Variants in ERCC6L observed in about 807,000 individuals in gnomAD.
ERCC6L encodes DNA excision repair protein ERCC-6-like.
In ERCC6L, 7 loss-of-function variants were observed where a neutral mutation model predicts 20.1. The ratio of observed to expected loss-of-function variants is 0.35; its 90% CI spans 0.20 to 0.65. The LOEUF is 0.65. ERCC6L is among the 30% of genes least tolerant of loss of function. ERCC6L has a pLI of 0.69. For missense variants in ERCC6L, 592 were observed against 892.4 expected (o/e 0.66, Z 4.29); for synonymous variants, 278 against 331.3 (o/e 0.84, Z 1.75).
At chrX:72,210,609 T>C (rs1303173734) in intron 1 of ERCC6L, among the ~76,000 whole-genome samples, 1 of 111,640 alleles carries the variant, frequency 9.0e-6, no homozygotes, top group Non-Finnish European at 1.9e-5. Flanking sequence ...TCCCAGAGAC[T>C]AAAGTGCTGT....
At position 72,205,359 on chromosome X, in the gene ERCC6L, G is replaced by A. The variant is rs148656966; in HGVS notation, c.3408C>T (p.Gly1136=). Residue 1136 remains glycine, a synonymous_variant, in exon 2 of 2, where the codon GGC becomes GGT. Transcript: ENST00000334463. The part of the protein sequence containing the change: ...YPEEGVEESS[G]EASKYTEEDP... The stretch of plus-strand genomic sequence containing the variant: ...CCTCTTCTGTATACTTGGAGGCTTC[G>A]CCACTGCTTTCCTCCACCCCTTCTT... The A allele has an allele frequency of 4.1e-4, 498 of 1,210,259 alleles. 4 individuals are homozygous for A. In the Middle Eastern group the frequency reaches 7.8e-3, roughly 19 times the overall value.
Position 72,206,602 on chromosome X carries a change from T to C in ERCC6L, c.2165A>G (p.Gln722Arg), listed in dbSNP as rs761435400. The change falls in exon 2 of 2, where the codon CAA (glutamine) becomes CGA (arginine). Residue 722 changes from glutamine (Q) to arginine (R), a missense_variant. Gln to Arg is a conservative substitution (Grantham distance 43). Transcript: ENST00000334463. The stretch of plus-strand genomic sequence containing the variant: ...CCAGGCCCCCTCATTTCTAGTTCTT[T>C]GTTGTTCCATCAGGAACTCTTTATT... The part of the protein sequence containing the change: ...SQNKEFLMEQ[Q>R]RTRNEGAWLR... 2 of 1,211,356 alleles carry C rather than the reference T, an allele frequency of 1.7e-6. No homozygotes were observed. Among genetic ancestry groups the C allele is most frequent in the Non-Finnish European group, 2.2e-6 (2 of 895,404 alleles).
At chrX:72,236,372 C>A (rs1273672932) in intron 1 of ERCC6L, among the ~76,000 whole-genome samples, 1 of 111,306 alleles carries the variant, frequency 9.0e-6, no homozygotes, top group Admixed American at 9.5e-5. Context: ...CATCTCAGCT[C>A]GCTGCAACCT....
intron 1 of ERCC6L, among the ~76,000 whole-genome samples, chrX:72,222,137 C>T (rs1402874923): frequency 9.0e-6 from 1 of 110,848 alleles, no homozygotes; most frequent in South Asian, 3.8e-4. Flanking sequence ...TCTCCCTCTC[C>T]GGGAAGTGGC....
intron 1 of ERCC6L, among the ~76,000 whole-genome samples, chrX:72,235,929 T>C (rs1440501022): frequency 1.8e-5 from 2 of 111,601 alleles, no homozygotes; most frequent in East Asian, 5.6e-4. Flanking sequence ...AGAAAAAAAA[T>C]AAGTTAAAGT....
chrX:72,213,084 G>C (rs1415578004), intron 1 of ERCC6L, among the ~76,000 whole-genome samples: 1 of 112,376 alleles, frequency 8.9e-6, no homozygotes, highest in Non-Finnish European at 1.9e-5. Context: ...GCCCATATAG[G>C]GGTGGAGGAG....
At chrX:72,218,695 A>G (rs1309365609) in intron 1 of ERCC6L, among the ~76,000 whole-genome samples, 1 of 110,362 alleles carries the variant, frequency 9.1e-6, no homozygotes, top group Non-Finnish European at 1.9e-5. Flanking sequence ...GGGTTTCACC[A>G]TGTTGGCCGG....
rs1350144989 is a variant in ERCC6L, at chrX:72,204,776, A to G, written c.*238T>C. The G allele has an allele frequency of 1.2e-5, 3 of 242,296 alleles. No homozygotes were observed. The highest frequency in any genetic ancestry group is 8.5e-5 in the African/African-American group (3 of 35,212). 20.0% of individuals were successfully genotyped at this position (242,296 alleles called of 1,213,427 possible). ...AATTTTACAAAACTTTCCAAGAAAC[A>G]ACACAGTTAAATTTATAGAATATGC... On this transcript the variant is annotated 3_prime_UTR_variant, in exon 2 of 2. Coordinates refer to ENST00000334463, the MANE Select transcript of ERCC6L (RefSeq NM_017669.4).
rs764001801 is a variant in ERCC6L at position 72,207,644 on chromosome X, G to A, written c.1123C>T (p.Pro375Ser). The A allele has an allele frequency of 4.0e-5, 48 of 1,208,018 alleles. No homozygotes were observed. The South Asian group carries it at 6.9e-4, about 17-fold the overall frequency. The part of the protein sequence containing the change: ...NDLIIWIRLV[P>S]LQEEIYRKFV... ...TTCCTGTATATTTCTTCTTGTAAAG[G>A]CACAAGTCGTATCCAAATAATTAAA... is the stretch of plus-strand genomic sequence containing the variant. The change falls in exon 2 of 2, where the codon CCT (proline) becomes TCT (serine). Residue 375 changes from proline to serine, a missense_variant. Physicochemically the swap from Pro to Ser is moderately conservative, Grantham distance 74. Transcript: ENST00000334463.
chrX:72,209,499 C>A (rs2042840257), intron 1 of ERCC6L, among the ~76,000 whole-genome samples: 1 of 112,081 alleles, frequency 8.9e-6, no homozygotes, highest in Admixed American at 9.5e-5. Context: ...TGAAGAGAAT[C>A]CTTGACCCCA....
chrX:72,204,987 TTAAAA>T lies in ERCC6L; in HGVS notation c.*22_*26del, dbSNP rs1180421355. Reference sequence around the variant, plus strand: ...AAATTCCCTCATATTCAGTTTCACTTTAAAATACAATAAACAGGTTACATTCTCAA... The same window carrying T: ...AAATTCCCTCATATTCAGTTTCACTTTACAATAAACAGGTTACATTCTCAA... On this transcript the variant is annotated 3_prime_UTR_variant, in exon 2 of 2. Transcript: ENST00000334463. 4.4e-6 allele frequency: 5 copies of T among 1,124,310 alleles called. No individual in the cohort carries two copies. Among genetic ancestry groups the T allele is most frequent in the African/African-American group, 1.8e-5 (1 of 54,377 alleles). 92.7% of individuals were successfully genotyped at this position (1,124,310 alleles called of 1,213,427 possible).
intron 1 of ERCC6L, among the ~76,000 whole-genome samples, chrX:72,222,595 CTT>C (rs758259884): frequency 0.01 from 886 of 85,011 alleles, 11 homozygotes; most frequent in African/African-American, 0.033. Flanking sequence ...AGAATCCAGC[CTT>C]TTTTTTTTTT....
intron 1 of ERCC6L, among the ~76,000 whole-genome samples, chrX:72,226,255 C>G (rs2042953076): frequency 9.0e-6 from 1 of 111,602 alleles, no homozygotes; most frequent in Non-Finnish European, 1.9e-5. Flanking sequence ...ATAAAGCAAG[C>G]CCCAGATTGG....
chrX:72,214,511 A>G (rs925153359), intron 1 of ERCC6L, among the ~76,000 whole-genome samples: 1 of 109,405 alleles, frequency 9.1e-6, no homozygotes, highest in East Asian at 2.9e-4. Context: ...CATCTCTACT[A>G]AAAATACAAA....
In ERCC6L at chrX:72,206,446, C is replaced by G. The variant is rs779001189; in HGVS notation, c.2321G>C (p.Ser774Thr). The G allele has an allele frequency of 8.3e-7, 1 of 1,210,966 alleles. No homozygotes were observed. The highest frequency in any genetic ancestry group is 3.0e-5 in the East Asian group (1 of 33,840). ...TTTGGGCAGATCATCAATGACTACACTTGCCATTTTGGAACTGATATCTTC... is the reference window on the plus strand; with the variant it reads ...TTTGGGCAGATCATCAATGACTACAGTTGCCATTTTGGAACTGATATCTTC... ...QEEDISSKMA[S>T]VVIDDLPKEG... Residue 774 changes from serine to threonine, a missense_variant, in exon 2 of 2, where the codon AGT (serine) becomes ACT (threonine). Around this residue, in one of 3 missense-constraint regions of ERCC6L, gnomAD observed 352 missense variants for 402.6 expected, o/e 0.87. Transcript: ENST00000334463.
intron 1 of ERCC6L, among the ~76,000 whole-genome samples, chrX:72,224,910 A>T (rs1195559133): frequency 9.0e-6 from 1 of 111,079 alleles, no homozygotes; most frequent in African/African-American, 3.3e-5. Flanking sequence ...CTCAACCCTA[A>T]TGGATTACAG....
chrX:72,208,191 C>T lies in ERCC6L; in HGVS notation c.576G>A (p.Gln192=). ...DERTRNLNRI[Q]QRNGVIITTY... is the part of the protein sequence containing the mutation. ...TAGTGATAATAACACCATTCCTTTGCTGAATCCGATTGAGGTTTCTGGTCC... is the reference window on the plus strand; with the variant it reads ...TAGTGATAATAACACCATTCCTTTGTTGAATCCGATTGAGGTTTCTGGTCC... The change falls in exon 2 of 2, where the codon CAG becomes CAA. Residue 192 remains glutamine (Q), a synonymous_variant. Coordinates refer to ENST00000334463, the MANE Select transcript of ERCC6L (RefSeq NM_017669.4). 1 of 1,211,680 alleles carries T rather than the reference C, an allele frequency of 8.3e-7. No individual in the cohort carries two copies. The highest frequency in any genetic ancestry group is 1.1e-6 in the Non-Finnish European group (1 of 895,519).
At chrX:72,223,546 C>T (rs766993509) in intron 1 of ERCC6L, among the ~76,000 whole-genome samples, 2 of 107,615 alleles carry the variant, frequency 1.9e-5, no homozygotes, top group South Asian at 4.2e-4. Context: ...TGCGCCACCC[C>T]ACCCAGCTAA....
At chrX:72,233,614 C>CG (rs2042998298) in intron 1 of ERCC6L, among the ~76,000 whole-genome samples, 1 of 106,783 alleles carries the variant, frequency 9.4e-6, no homozygotes, top group Non-Finnish European at 1.9e-5. Context: ...CCCAGCTACT[C>CG]GGGAGGCTGA....
Sources: allele counts gnomAD v4.1 joint callset (sites outside exome capture counted in the v4.1 genomes callset), GRCh38; gene constraint gnomAD v4.1.1; regional missense constraint gnomAD v4.1.1; transcripts MANE v1.5; gene names NCBI Gene and HGNC (gene_info 2026-07-23, HGNC 2026-07-21).